ACSBG1: variants seen among roughly 807,000 people sequenced by gnomAD.
ACSBG1 encodes acyl-CoA synthetase bubblegum family member 1, also known as long-chain-fatty-acid--CoA ligase ACSBG1.
ACSBG1 carries 39 observed loss-of-function variants against 80.2 expected under a neutral mutation model. That is an observed-to-expected ratio of 0.49 (90% CI 0.38 to 0.64). The LOEUF is 0.64. Ranked by LOEUF, ACSBG1 falls within the 30% of genes least tolerant of loss-of-function variation. The pLI is 0.00. For synonymous variants in ACSBG1, 392 were observed against 379.5 expected (o/e 1.03, Z -0.38); for missense variants, 828 against 966.4 (o/e 0.86, Z 1.90).
rs1159504916 is a variant in ACSBG1 at position 78,188,072 on chromosome 15, A to G, written c.664-5287T>C. Among the ~76,000 whole-genome samples the G allele has an allele frequency of 3.3e-5, 5 of 152,346 alleles. No homozygotes were observed. The East Asian group carries it at 9.6e-4, about 29-fold the overall frequency. On this transcript the variant is annotated intron_variant, in intron 5 of 13. Coordinates refer to ENST00000258873, the MANE Select transcript of ACSBG1 (RefSeq NM_015162.5). ...TCAAATCATGCGTGAACTCCCATTC[A>G]CAATTGCTTCAAAGAGAATAAAATA... is the stretch of plus-strand genomic sequence containing the variant.
chr15:78,203,481 C>A (rs1230326222), intron 2 of ACSBG1, among the ~76,000 whole-genome samples: 2 of 152,256 alleles, frequency 1.3e-5, no homozygotes, highest in Non-Finnish European at 2.9e-5. Context: ...GGGGGGTAGG[C>A]TTTCCCAGGC....
At position 78,178,881 on chromosome 15, in the gene ACSBG1, A is replaced by G. The variant is rs1332474932; in HGVS notation, c.1485-50T>C. 4 of 1,542,516 alleles carry G rather than the reference A, an allele frequency of 2.6e-6. No homozygotes were observed. In the South Asian group the frequency reaches 3.6e-5, roughly 14 times the overall value. The stretch of plus-strand genomic sequence containing the variant: ...TGGTCAGAGGGAGCCGTCTCCTCCA[A>G]GCCCCCACTGGGGAGCCGGGGTCCC... On this transcript the variant is annotated intron_variant, in intron 10 of 13. Coordinates refer to ENST00000258873, the MANE Select transcript of ACSBG1 (RefSeq NM_015162.5). The surrounding 1 kb of genome is among the most constrained non-coding windows in gnomAD (Gnocchi z 4.3).
chr15:78,215,619 G>A (rs1284838243), intron 1 of ACSBG1, among the ~76,000 whole-genome samples: 1 of 151,720 alleles, frequency 6.6e-6, no homozygotes, highest in Non-Finnish European at 1.5e-5. Flanking sequence ...TTGTGCCATT[G>A]CACTCCAGCC....
rs954020288 is a variant in ACSBG1 at position 78,170,078 on chromosome 15, C to T, written c.*1366G>A. The T allele has an allele frequency of 1.3e-5, 2 of 152,250 alleles. No homozygotes were observed. The highest frequency in any genetic ancestry group is 4.8e-5 in the African/African-American group (2 of 41,466). 9.4% of individuals were successfully genotyped at this position (152,250 alleles called of 1,614,324 possible). The stretch of plus-strand genomic sequence containing the variant: ...GACATTCCAAAGACTGGAGGCAACT[C>T]AGCCTGAGTTAATTCACAAAATTAT... On this transcript the variant is annotated 3_prime_UTR_variant, in exon 14 of 14. Coordinates refer to ENST00000258873, the MANE Select transcript of ACSBG1 (RefSeq NM_015162.5).
intron 1 of ACSBG1, among the ~76,000 whole-genome samples, chr15:78,231,228 C>T (rs1166781119): frequency 1.3e-5 from 2 of 152,114 alleles, no homozygotes; most frequent in Non-Finnish European, 2.9e-5. Context: ...TCAAGCAGTT[C>T]TCCTGCCTCA....
At chr15:78,193,060 C>G (rs1317111662) in intron 5 of ACSBG1, among the ~76,000 whole-genome samples, 2 of 152,174 alleles carry the variant, frequency 1.3e-5, no homozygotes, top group Non-Finnish European at 2.9e-5. Context: ...TCTGACTTGG[C>G]TCAACCCCCA....
At position 78,234,405 on chromosome 15, in the gene ACSBG1, T is replaced by A. The variant is rs1221666902; in HGVS notation, c.97A>T (p.Ile33Phe). ...ETPQESRQDM[I>F]VRTTQEKLKT... The stretch of plus-strand genomic sequence containing the variant: ...AATTTTTCTTGGGTGGTCCTCACAA[T>A]CATGTCCTGCCGGCTCTCCTGTGGG... Residue 33 changes from isoleucine to phenylalanine, a missense_variant, in exon 1 of 14, where the codon ATT becomes TTT. By Grantham distance (21) the Ile-to-Phe change is conservative. Coordinates refer to ENST00000258873, the MANE Select transcript of ACSBG1 (RefSeq NM_015162.5). 6.8e-6 allele frequency: 11 copies of A among 1,612,726 alleles called. No individual in the cohort carries two copies. The highest frequency in any genetic ancestry group is 1.3e-5 in the African/African-American group (1 of 74,932).
At chr15:78,215,752 A>AAGAAAGAAAGAAAG (rs1567096331) in intron 1 of ACSBG1, among the ~76,000 whole-genome samples, 23 of 149,654 alleles carry the variant, frequency 1.5e-4, no homozygotes, top group African/African-American at 5.2e-4. Context: ...GAAAGAAAGA[A>AAGAAAGAAAGAAAG]AGAAAGAAAG....
At chr15:78,207,894 C>T in intron 2 of ACSBG1, 108 bp downstream of exon 2, 1 of 859,048 alleles carries the variant, frequency 1.2e-6, no homozygotes, top group African/African-American at 1.7e-5. Flanking sequence ...CCAGCTGCTC[C>T]TTCCCGCAGT....
At position 78,193,997 on chromosome 15, in the gene ACSBG1, A is replaced by G. The variant is rs573730603; in HGVS notation, c.477T>C (p.Ser159=). Residue 159 remains serine, a synonymous_variant, in exon 4 of 14, where the codon AGT becomes AGC. Transcript: ENST00000258873. Reference sequence around the variant, plus strand: ...GGGAGTTGAAGCCGAGGATGGCCACACTGTGGGCCTGCTTCAGGCCGAGCT... The same window carrying G: ...GGGAGTTGAAGCCGAGGATGGCCACGCTGTGGGCCTGCTTCAGGCCGAGCT... ...FLKLGLKQAH[S]VAILGFNSPE... 47 of 1,613,944 alleles carry G rather than the reference A, an allele frequency of 2.9e-5. No individual in the cohort carries two copies. Among genetic ancestry groups the G allele is most frequent in the East Asian group, 2.7e-4 (12 of 44,866 alleles).
At chr15:78,223,999 G>A (rs573228870) in intron 1 of ACSBG1, among the ~76,000 whole-genome samples, 1 of 152,320 alleles carries the variant, frequency 6.6e-6, no homozygotes, top group South Asian at 2.1e-4. Context: ...AGCCCCTGGA[G>A]GAAGAGCAGT....
intron 10 of ACSBG1, among the ~76,000 whole-genome samples, chr15:78,179,324 C>T (rs866236192): frequency 1.3e-4 from 20 of 152,302 alleles, no homozygotes; most frequent in Middle Eastern, 3.4e-3. Flanking sequence ...CAACCACAGA[C>T]TCACGACACG....
intron 5 of ACSBG1, 123 bp downstream of exon 5, chr15:78,193,383 G>C: frequency 1.4e-6 from 2 of 1,411,404 alleles, no homozygotes; most frequent in Non-Finnish European, 1.9e-6. Flanking sequence ...GTATGCATTA[G>C]AGGGTTGCCG....
At chr15:78,234,289 G>A (rs983799915) in intron 1 of ACSBG1, 82 bp downstream of exon 1, 2 of 1,535,510 alleles carry the variant, frequency 1.3e-6, no homozygotes, top group Non-Finnish European at 1.8e-6. Flanking sequence ...GAGAGAAGCA[G>A]CTTGCCCAAG....
At chr15:78,215,757 A>AGAAAGAAG (rs2075305419) in intron 1 of ACSBG1, among the ~76,000 whole-genome samples, 1 of 149,992 alleles carries the variant, frequency 6.7e-6, no homozygotes, top group Non-Finnish European at 1.5e-5. Flanking sequence ...AAAGAAAGAA[A>AGAAAGAAG]GAAAGAAAGA....
At chr15:78,232,281 C>T (rs1407552721) in intron 1 of ACSBG1, among the ~76,000 whole-genome samples, 1 of 152,218 alleles carries the variant, frequency 6.6e-6, no homozygotes, top group Non-Finnish European at 1.5e-5. Context: ...TATCCAAAGT[C>T]ACTCAGCAAG....
At chr15:78,206,144 C>G (rs755427639) in intron 2 of ACSBG1, among the ~76,000 whole-genome samples, 2 of 152,216 alleles carry the variant, frequency 1.3e-5, no homozygotes, top group Non-Finnish European at 2.9e-5. Flanking sequence ...TGGGGTCCCT[C>G]GGTGGCCTCC....
intron 2 of ACSBG1, among the ~76,000 whole-genome samples, chr15:78,205,306 AGGACCTCAAACTTTTTG>A (rs1282166254): frequency 6.6e-6 from 1 of 152,146 alleles, no homozygotes; most frequent in African/African-American, 2.4e-5. Flanking sequence ...ACCAGAGCTC[AGGACCTCAAACTTTTTG>A]GGACCTCAAA....
intron 2 of ACSBG1, among the ~76,000 whole-genome samples, chr15:78,206,697 G>A (rs970247324): frequency 6.6e-6 from 1 of 152,154 alleles, no homozygotes; most frequent in Non-Finnish European, 1.5e-5. Flanking sequence ...GACCCTCTCT[G>A]GGACTCCCTA....
Sources: gnomAD v4.1 joint callset for allele counts (sites outside exome capture counted in the v4.1 genomes callset) on GRCh38, gnomAD v4.1.1 for gene constraint, Gnocchi (gnomAD v3.1) non-coding constraint, MANE v1.5 for transcripts, NCBI Gene and HGNC (gene_info 2026-07-23, HGNC 2026-07-21) for gene names.